The following TATDN1 variants were observed in gnomAD, a reference collection of about 807,000 sequenced individuals.
TATDN1 encodes the protein TatD DNase domain containing 1.
In TATDN1, 40 loss-of-function variants were observed where a neutral mutation model predicts 46.4. The observed-to-expected ratio is 0.86, with a 90% CI of 0.67 to 1.12. TATDN1 has a LOEUF of 1.12. TATDN1 is among the 50% of genes most tolerant of loss of function. The pLI is 0.00. For synonymous variants in TATDN1, 95 were observed against 105.6 expected, an observed-to-expected ratio of 0.90 and a Z score of 0.62; for missense variants, 326 against 348.4, an observed-to-expected ratio of 0.94 and a Z score of 0.51.
At chr8:124,529,628 G>C (rs1040548658) in intron 1 of TATDN1, among the ~76,000 whole-genome samples, 2 of 152,156 alleles carry the variant, frequency 1.3e-5, no homozygotes, top group African/African-American at 4.8e-5. Flanking sequence ...GTATTCATGC[G>C]GAGTGCTGAC....
chr8:124,511,978 C>T (rs890063757), intron 6 of TATDN1, among the ~76,000 whole-genome samples: 5 of 152,198 alleles, frequency 3.3e-5, no homozygotes, highest in African/African-American at 1.2e-4. Context: ...GATTCCAAAG[C>T]TCATCCTTTT....
chr8:124,499,923 A>C (rs1204394379), intron 9 of TATDN1, among the ~76,000 whole-genome samples: 6 of 137,556 alleles, frequency 4.4e-5, no homozygotes, highest in African/African-American at 1.4e-4. Context: ...CGGCTCACTG[A>C]AACCTCCGCC....
At chr8:124,527,551 A>AG (rs1333436561) in intron 1 of TATDN1, among the ~76,000 whole-genome samples, 1 of 152,072 alleles carries the variant, frequency 6.6e-6, no homozygotes, top group Non-Finnish European at 1.5e-5. Context: ...TTAGTGAGGA[A>AG]GGGGGTGTAC....
At chr8:124,490,299 CAA>C (rs1421738731) in intron 11 of TATDN1, 2 of 152,082 alleles carry the variant, frequency 1.3e-5, no homozygotes, top group Admixed American at 1.3e-4. Context: ...AGATTGAACT[CAA>C]GAGTTCGAGA....
At chr8:124,497,442 C>A (rs536391800) in intron 9 of TATDN1, among the ~76,000 whole-genome samples, 28 of 152,118 alleles carry the variant, frequency 1.8e-4, no homozygotes, top group Non-Finnish European at 3.7e-4. Flanking sequence ...CCTGCCACCA[C>A]GCCCGGCTCA....
At chr8:124,488,762 A>ATT in intron 11 of TATDN1, 66 bp from the exon 12 acceptor site, 1 of 955,488 alleles carries the variant, frequency 1.0e-6, no homozygotes, top group Non-Finnish European at 1.7e-6. Context: ...AAGCTATATA[A>ATT]TATTTTTCCA....
chr8:124,509,051 T>C (rs908691781), intron 6 of TATDN1, among the ~76,000 whole-genome samples: 2 of 152,204 alleles, frequency 1.3e-5, no homozygotes, highest in African/African-American at 2.4e-5. Context: ...CAGTTTTTTA[T>C]GTGCTGTTAT....
intron 1 of TATDN1, among the ~76,000 whole-genome samples, chr8:124,529,042 A>C (rs1009548898): frequency 6.6e-6 from 1 of 152,180 alleles, no homozygotes; most frequent in African/African-American, 2.4e-5. Context: ...TTGCTTGGCA[A>C]TGGTCATGAG....
intron 1 of TATDN1, among the ~76,000 whole-genome samples, chr8:124,525,361 G>A (rs1295899435): frequency 1.3e-5 from 2 of 151,940 alleles, no homozygotes; most frequent in Admixed American, 6.6e-5. Flanking sequence ...TGGACAGGCT[G>A]GTCTCGAACT....
At chr8:124,491,590 A>G (rs1366739419) in intron 11 of TATDN1, 1 of 152,358 alleles carries the variant, frequency 6.6e-6, no homozygotes, top group Middle Eastern at 3.4e-3. Flanking sequence ...CGCCTGACTC[A>G]CTGAATGCCT....
chr8:124,514,453 T>A (rs1018864850), intron 6 of TATDN1, among the ~76,000 whole-genome samples: 1 of 152,208 alleles, frequency 6.6e-6, no homozygotes, highest in Non-Finnish European at 1.5e-5. Flanking sequence ...TCTTTGTGTA[T>A]AAGAAACTAA....
At chr8:124,523,038 T>G in intron 1 of TATDN1, 36 bp from the exon 2 acceptor site, 1 of 1,564,856 alleles carries the variant, frequency 6.4e-7, no homozygotes, top group Non-Finnish European at 8.8e-7. Context: ...AATTATTGAG[T>G]CTCTACATGA....
chr8:124,538,433 C>G (rs1047027545), intron 1 of TATDN1: 3 of 154,094 alleles, frequency 1.9e-5, no homozygotes, highest in African/African-American at 7.2e-5. Context: ...AGCATTCTCC[C>G]TCTCGTTCTA....
intron 11 of TATDN1, among the ~76,000 whole-genome samples, chr8:124,492,869 A>AT (rs1364475592): frequency 6.6e-6 from 1 of 151,644 alleles, no homozygotes; most frequent in Non-Finnish European, 1.5e-5. Flanking sequence ...GGGTCTCCCT[A>AT]TGTTGCCTGA....
At chr8:124,517,959 C>G (rs4540394) in intron 4 of TATDN1, among the ~76,000 whole-genome samples, 15,817 of 152,100 alleles carry the variant, frequency 0.1, 906 homozygotes, top group Non-Finnish European at 0.13. Flanking sequence ...CGCCTGTAAT[C>G]CCAGCGCTTT....
chr8:124,490,929 C>G (rs1284202307), intron 11 of TATDN1: 2 of 151,930 alleles, frequency 1.3e-5, no homozygotes, highest in Non-Finnish European at 2.9e-5. Context: ...ATTACAGGCG[C>G]CCACCACCAT....
At chr8:124,505,981 T>C (rs1190592649) in intron 8 of TATDN1, among the ~76,000 whole-genome samples, 1 of 151,646 alleles carries the variant, frequency 6.6e-6, no homozygotes, top group Non-Finnish European at 1.5e-5. Flanking sequence ...AACATTTAGG[T>C]TGGATTTGTT....
chr8:124,506,094 G>C (rs1818385384), intron 8 of TATDN1, among the ~76,000 whole-genome samples: 1 of 151,930 alleles, frequency 6.6e-6, no homozygotes, highest in Non-Finnish European at 1.5e-5. Flanking sequence ...CAGCACTTTG[G>C]GAGGCCGAGG....
intron 6 of TATDN1, among the ~76,000 whole-genome samples, chr8:124,514,035 C>A (rs1432632530): frequency 6.6e-6 from 1 of 152,144 alleles, no homozygotes; most frequent in Non-Finnish European, 1.5e-5. Context: ...AAATAATATA[C>A]CACAAACTAA....
Sources: gnomAD v4.1 joint callset for allele counts (sites outside exome capture counted in the v4.1 genomes callset) on GRCh38, gnomAD v4.1.1 for gene constraint, MANE v1.5 for transcripts, NCBI Gene and HGNC (gene_info 2026-07-23, HGNC 2026-07-21) for gene names.